CPXM2: variants seen among roughly 807,000 people sequenced by gnomAD.
The protein encoded by CPXM2 is carboxypeptidase X, M14 family member 2.
In CPXM2, 66 loss-of-function variants were observed where a neutral mutation model predicts 86.1. That is an observed-to-expected ratio of 0.77 (90% CI 0.63 to 0.94). The LOEUF (loss-of-function observed/expected upper bound fraction) is 0.94, where lower values mean the gene tolerates loss of function less well. Ranked by LOEUF, CPXM2 falls within the 40% of genes least tolerant of loss-of-function variation. CPXM2 has a pLI of 0.00. For missense variants in CPXM2, 948 were observed against 1,026.3 expected, an observed-to-expected ratio of 0.92 and a Z score of 1.04; for synonymous variants, 388 against 400.2, an observed-to-expected ratio of 0.97 and a Z score of 0.36.
intron 2 of CPXM2, among the ~76,000 whole-genome samples, chr10:123,912,075 G>A (rs1439533533): frequency 1.3e-5 from 2 of 152,044 alleles, no homozygotes; most frequent in African/African-American, 4.8e-5. Flanking sequence ...CTCGACTGGG[G>A]TTTTCTGCAT....
In CPXM2 at chr10:123,792,234, AG is replaced by A. The variant is rs1352854590; in HGVS notation, c.889+5741del. ...AGAACAAAATAGCCAAACCTCAGGCAGGGCAAGGAGGAAGAAGGGGAAATTG... is the reference window on the plus strand; with the variant it reads ...AGAACAAAATAGCCAAACCTCAGGCAGGCAAGGAGGAAGAAGGGGAAATTG... On this transcript the variant is annotated intron_variant, in intron 6 of 13. Coordinates refer to ENST00000241305, the MANE Select transcript of CPXM2 (RefSeq NM_198148.3). Among the ~76,000 whole-genome samples, 3 of 152,334 alleles carry A rather than the reference AG, an allele frequency of 2.0e-5. No individual in the cohort carries two copies. The East Asian group carries it at 5.8e-4, about 29-fold the overall frequency.
intron 2 of CPXM2, among the ~76,000 whole-genome samples, chr10:123,866,262 C>G (rs779204877): frequency 1.3e-5 from 2 of 152,112 alleles, no homozygotes; most frequent in South Asian, 2.1e-4. Flanking sequence ...TCCAATCACA[C>G]GCACAAAGTT....
chr10:123,904,912 A>ATCTGCATCCTGCGACCTCCCCTC (rs1184917723), intron 2 of CPXM2, among the ~76,000 whole-genome samples: 1 of 131,662 alleles, frequency 7.6e-6, no homozygotes, highest in African/African-American at 3.1e-5. Context: ...GCTCTGCATC[A>ATCTGCATCCTGCGACCTCCCCTC]CACCTGCATC....
intron 13 of CPXM2, among the ~76,000 whole-genome samples, chr10:123,751,294 G>A (rs1028908745): frequency 7.9e-5 from 12 of 152,186 alleles, no homozygotes; most frequent in African/African-American, 2.4e-4. Flanking sequence ...TCGACCCCCC[G>A]AGTAGAGAGC....
At chr10:123,906,573 A>C (rs1945443290) in intron 2 of CPXM2, among the ~76,000 whole-genome samples, 1 of 152,222 alleles carries the variant, frequency 6.6e-6, no homozygotes, top group Admixed American at 6.5e-5. Context: ...TTAAATCCAG[A>C]AGCTGCAACA....
At chr10:123,863,829 C>T (rs1848914850) in intron 2 of CPXM2, among the ~76,000 whole-genome samples, 3 of 152,216 alleles carry the variant, frequency 2.0e-5, no homozygotes, top group South Asian at 4.1e-4. Context: ...CAGCTGGGAG[C>T]CTGGGCCCGT....
upstream of CPXM2, among the ~76,000 whole-genome samples, chr10:123,895,844 G>T (rs1236914197): frequency 1.3e-5 from 2 of 152,178 alleles, no homozygotes; most frequent in Non-Finnish European, 1.5e-5. Flanking sequence ...TCTTCAAATG[G>T]TGTTCTTTAA....
chr10:123,863,271 G>A (rs1196123442), intron 2 of CPXM2, among the ~76,000 whole-genome samples: 1 of 152,198 alleles, frequency 6.6e-6, no homozygotes, highest in Non-Finnish European at 1.5e-5. Context: ...GCAGCATCCA[G>A]AAGGGGTCTC....
At chr10:123,898,437 C>T (rs1430638489) in intron 2 of CPXM2, among the ~76,000 whole-genome samples, 1 of 152,004 alleles carries the variant, frequency 6.6e-6, no homozygotes, top group Non-Finnish European at 1.5e-5. Context: ...TGAACTCCAG[C>T]CTGAGCAGCA....
At chr10:123,748,847 C>T (rs1846018146) in intron 13 of CPXM2, among the ~76,000 whole-genome samples, 1 of 152,112 alleles carries the variant, frequency 6.6e-6, no homozygotes, top group African/African-American at 2.4e-5. Context: ...CCACCTCCTC[C>T]ACGTGCCCTC....
chr10:123,798,023 T>C lies in CPXM2; in HGVS notation c.842A>G (p.Asn281Ser). 2 of 1,610,734 alleles carry C rather than the reference T, an allele frequency of 1.2e-6. No homozygotes were observed. The highest frequency in any genetic ancestry group is 1.7e-6 in the Non-Finnish European group (2 of 1,178,306). The change falls in exon 6 of 14, where the codon AAT (asparagine) becomes AGT (serine). Residue 281 changes from asparagine (N) to serine (S), a missense_variant. Asn to Ser is a conservative substitution (Grantham distance 46, BLOSUM62 1). Transcript: ENST00000241305. ...CTCCATTCTCATGCAGATGCTCCCA[T>C]TATCAAACCAGGACTGAGGGTTTAT... Reference protein sequence around the residue: ...IRINPQSWFDNGSICMRMEIL... With the variant: ...IRINPQSWFDSGSICMRMEIL...
chr10:123,938,692 G>A (rs149310231), intron 2 of CPXM2, among the ~76,000 whole-genome samples: 217 of 152,262 alleles, frequency 1.4e-3, no homozygotes, highest in African/African-American at 5.0e-3. Flanking sequence ...CTGGCTGCCC[G>A]GCTGGCCAGC....
chr10:123,914,867 A>G (rs1253621614), intron 2 of CPXM2, among the ~76,000 whole-genome samples: 1 of 152,050 alleles, frequency 6.6e-6, no homozygotes, highest in East Asian at 1.9e-4. Context: ...ACGGCCTCCT[A>G]ACTAGTCCCC....
intron 7 of CPXM2, among the ~76,000 whole-genome samples, chr10:123,775,835 G>A (rs1358334396): frequency 1.3e-5 from 2 of 152,194 alleles, no homozygotes; most frequent in African/African-American, 4.8e-5. Context: ...GTGGCTACCA[G>A]CACCATCAAA....
chr10:123,803,886 T>G (rs565580418), intron 4 of CPXM2, among the ~76,000 whole-genome samples: 1 of 152,240 alleles, frequency 6.6e-6, no homozygotes, highest in South Asian at 2.1e-4. Context: ...GGTCTCGATG[T>G]CCTGACCTCA....
At chr10:123,894,350 C>T (rs1038930717), upstream of CPXM2, among the ~76,000 whole-genome samples, 1 of 152,144 alleles carries the variant, frequency 6.6e-6, no homozygotes, top group Non-Finnish European at 1.5e-5. Context: ...GAAATGAGTC[C>T]CACTTATTAC....
chr10:123,938,883 G>A (rs1306129385), intron 2 of CPXM2, among the ~76,000 whole-genome samples: 1 of 152,130 alleles, frequency 6.6e-6, no homozygotes, highest in Non-Finnish European at 1.5e-5. Flanking sequence ...TTCACTGGGG[G>A]ACATAGGTGA....
intron 13 of CPXM2, chr10:123,751,836 G>A: frequency 1.0e-6 from 1 of 985,244 alleles, no homozygotes; most frequent in Non-Finnish European, 1.2e-6. Context: ...TATCTGTCAT[G>A]AGAATACACT....
intron 2 of CPXM2, among the ~76,000 whole-genome samples, chr10:123,926,796 A>G (rs61861976): frequency 0.26 from 39,664 of 152,138 alleles, 5,403 homozygotes; most frequent in Middle Eastern, 0.33. Flanking sequence ...AAGACAAGAC[A>G]GGGGAATCCC....
Sources: allele counts gnomAD v4.1 joint callset (sites outside exome capture counted in the v4.1 genomes callset), GRCh38; gene constraint gnomAD v4.1.1; transcripts MANE v1.5; gene names NCBI Gene and HGNC (gene_info 2026-07-23, HGNC 2026-07-21).